Variants in PALLD observed in about 807,000 individuals in gnomAD.
The protein encoded by PALLD is palladin.
A neutral mutation model predicts 123.5 loss-of-function variants in PALLD; 61 were observed. The observed-to-expected ratio is 0.49, with a 90% CI of 0.40 to 0.61. PALLD has a LOEUF of 0.61. Ranked by LOEUF, PALLD falls within the 20% of genes least tolerant of loss-of-function variation. The pLI is 0.00. For synonymous variants in PALLD, 465 were observed against 496.4 expected, an observed-to-expected ratio of 0.94 and a Z score of 0.84; for missense variants, 1,273 against 1,377.0, an observed-to-expected ratio of 0.92 and a Z score of 1.20.
At chr4:168,774,645 G>C (rs774061985) in intron 10 of PALLD, among the ~76,000 whole-genome samples, 13 of 150,544 alleles carry the variant, frequency 8.6e-5, no homozygotes, top group Admixed American at 5.3e-4. Context: ...TGAGAATTGC[G>C]TGAACCTGGG....
chr4:168,905,755 A>G (rs964465341), intron 15 of PALLD, among the ~76,000 whole-genome samples: 22 of 148,988 alleles, frequency 1.5e-4, no homozygotes, highest in African/African-American at 5.2e-4. Context: ...TATTTGATAT[A>G]TATGAAGAAA....
intron 2 of PALLD, among the ~76,000 whole-genome samples, chr4:168,627,245 C>T (rs1262269459): frequency 1.3e-5 from 2 of 152,200 alleles, no homozygotes; most frequent in African/African-American, 4.8e-5. Flanking sequence ...CACGGTGGCT[C>T]ATGCCTCTAA....
At chr4:168,602,750 G>C (rs532278225) in intron 2 of PALLD, among the ~76,000 whole-genome samples, 1 of 152,226 alleles carries the variant, frequency 6.6e-6, no homozygotes, top group East Asian at 1.9e-4. Flanking sequence ...GCTTTGGAAA[G>C]AAACATACCA....
chr4:168,615,161 T>TAA (rs11381519), intron 2 of PALLD, among the ~76,000 whole-genome samples: 1,629 of 146,492 alleles, frequency 0.011, 16 homozygotes, highest in African/African-American at 0.029. Flanking sequence ...GATGGTAAGT[T>TAA]AAAAAAAAAA....
At chr4:168,822,740 A>G (rs946135795) in intron 10 of PALLD, among the ~76,000 whole-genome samples, 1 of 152,252 alleles carries the variant, frequency 6.6e-6, no homozygotes, top group East Asian at 1.9e-4. Context: ...AAATGTCCAG[A>G]TGAATGAACA....
chr4:168,793,149 G>A (rs1737799448), intron 10 of PALLD, among the ~76,000 whole-genome samples: 1 of 99,354 alleles, frequency 1.0e-5, no homozygotes. Flanking sequence ...ATATATATGT[G>A]TGCATATATA....
chr4:168,603,798 G>A (rs942435460), intron 2 of PALLD, among the ~76,000 whole-genome samples: 1 of 152,272 alleles, frequency 6.6e-6, no homozygotes, highest in South Asian at 2.1e-4. Context: ...GATGCAAAAA[G>A]GTTCCATAGT....
At chr4:168,802,631 T>C (rs902479587) in intron 10 of PALLD, among the ~76,000 whole-genome samples, 1 of 152,046 alleles carries the variant, frequency 6.6e-6, no homozygotes, top group Non-Finnish European at 1.5e-5. Context: ...AACTACTGTT[T>C]GATAAAAAGG....
At chr4:168,827,476 A>G (rs1454462278) in intron 10 of PALLD, among the ~76,000 whole-genome samples, 1 of 152,228 alleles carries the variant, frequency 6.6e-6, no homozygotes, top group Non-Finnish European at 1.5e-5. Flanking sequence ...ATAGTCCAAG[A>G]TTGTTAAAAG....
At chr4:168,545,366 A>C (rs1435266439) in intron 2 of PALLD, among the ~76,000 whole-genome samples, 1 of 152,028 alleles carries the variant, frequency 6.6e-6, no homozygotes, top group Non-Finnish European at 1.5e-5. Flanking sequence ...GTCTCTACTA[A>C]AAGTATAAAA....
At chr4:168,714,548 T>C (rs2150227174) in intron 10 of PALLD, among the ~76,000 whole-genome samples, 1 of 152,322 alleles carries the variant, frequency 6.6e-6, no homozygotes, top group East Asian at 1.9e-4. Flanking sequence ...ACACATTCAT[T>C]TTTTTCTTTT....
At chr4:168,511,373 A>G in intron 1 of PALLD, 50 bp from the exon 2 acceptor site, 1 of 683,028 alleles carries the variant, frequency 1.5e-6, no homozygotes. Context: ...TTTATGATTA[A>G]AATGGGGAAA....
chr4:168,812,278 A>T (rs1459672597), intron 10 of PALLD, among the ~76,000 whole-genome samples: 1 of 152,202 alleles, frequency 6.6e-6, no homozygotes, highest in East Asian at 1.9e-4. Flanking sequence ...CCTCCTTAGA[A>T]ATACGGCAGT....
chr4:168,540,097 T>G (rs191922754), intron 2 of PALLD, among the ~76,000 whole-genome samples: 63 of 152,310 alleles, frequency 4.1e-4, no homozygotes, highest in African/African-American at 1.4e-3. Flanking sequence ...AAAAGAATGT[T>G]AATTATGGCA....
At chr4:168,910,022 C>G (rs942441026) in intron 15 of PALLD, among the ~76,000 whole-genome samples, 1 of 152,084 alleles carries the variant, frequency 6.6e-6, no homozygotes, top group Non-Finnish European at 1.5e-5. Context: ...ACACCTTCCC[C>G]TTTCATGTTC....
Position 168,606,516 on chromosome 4 carries a change from T to C in PALLD, c.909-61674T>C, listed in dbSNP as rs950010773. Among the ~76,000 whole-genome samples the C allele has an allele frequency of 3.3e-5, 5 of 151,686 alleles. No homozygotes were observed. The South Asian group carries it at 8.3e-4, about 25-fold the overall frequency. ...GGTGAAACCCCGTCTCTACTAAAAA[T>C]ACAAAAAATTAGCTGGGCATGGTAA... is the stretch of plus-strand genomic sequence containing the variant. On this transcript the variant is annotated intron_variant, in intron 2 of 21. Transcript: ENST00000505667.
At chr4:168,670,441 AGCCGGGCGCGG>A (rs1336349353) in intron 3 of PALLD, among the ~76,000 whole-genome samples, 3 of 152,062 alleles carry the variant, frequency 2.0e-5, no homozygotes, top group Admixed American at 6.5e-5. Context: ...TTTTAAAAAA[AGCCGGGCGCGG>A]GCCGGGCGCG....
At chr4:168,794,500 A>ACACATG (rs745750284) in intron 10 of PALLD, among the ~76,000 whole-genome samples, 2,247 of 126,530 alleles carry the variant, frequency 0.018, 24 homozygotes, top group Middle Eastern at 0.065. Context: ...GCACGCACAC[A>ACACATG]CACACGCACA....
intron 2 of PALLD, among the ~76,000 whole-genome samples, chr4:168,531,553 G>A (rs1253155861): frequency 1.3e-5 from 2 of 152,140 alleles, no homozygotes; most frequent in East Asian, 1.9e-4. Flanking sequence ...CGTATCTTCT[G>A]TCCCCATGAC....
Sources: gnomAD v4.1 joint callset for allele counts (sites outside exome capture counted in the v4.1 genomes callset) on GRCh38, gnomAD v4.1.1 for gene constraint, MANE v1.5 for transcripts, NCBI Gene and HGNC (gene_info 2026-07-23, HGNC 2026-07-21) for gene names.